ZNF451: variants seen among roughly 807,000 people sequenced by gnomAD.
ZNF451 encodes the protein zinc finger protein 451.
ZNF451 carries 80 observed loss-of-function variants against 107.1 expected under a neutral mutation model. The observed-to-expected ratio is 0.75, with a 90% CI of 0.62 to 0.90. ZNF451 has a LOEUF of 0.90. Ranked by LOEUF, ZNF451 falls within the 40% of genes least tolerant of loss-of-function variation. The probability of loss-of-function intolerance (pLI) is 0.00; values close to 1 mark genes in which losing one functional copy is unlikely to be tolerated. For missense variants in ZNF451, 1,107 were observed against 1,236.2 expected, an observed-to-expected ratio of 0.90 and a Z score of 1.57; for synonymous variants, 362 against 406.5, an observed-to-expected ratio of 0.89 and a Z score of 1.32.
chr6:57,121,185 A>G (rs1222688714), intron 3 of ZNF451, among the ~76,000 whole-genome samples: 1 of 152,142 alleles, frequency 6.6e-6, no homozygotes, highest in Non-Finnish European at 1.5e-5. Context: ...GTCATAGATC[A>G]GTTGACTTTA....
rs1414263165 is a variant in ZNF451 at position 57,099,988 on chromosome 6, A to G, written c.186+847A>G. Among the ~76,000 whole-genome samples the G allele has an allele frequency of 3.3e-5, 5 of 152,346 alleles. No homozygotes were observed. The South Asian group carries it at 6.2e-4, about 19-fold the overall frequency. ...CCTTTTAGCCTCCGTTTTTTAATCA[A>G]ATAATACCTACCTCACAGGGTTGTT... On this transcript the variant is annotated intron_variant, in intron 3 of 14. Transcript: ENST00000370706.
chr6:57,168,445 T>C lies in ZNF451; in HGVS notation c.3162T>C (p.Ile1054=), dbSNP rs764143062. 4.4e-6 allele frequency: 7 copies of C among 1,608,876 alleles called. No homozygotes were observed. Among genetic ancestry groups the C allele is most frequent in the Non-Finnish European group, 5.9e-6 (7 of 1,177,520 alleles). ...STEDVELEEA[I]RRSLEEM The stretch of plus-strand genomic sequence containing the variant: ...CAGATGTGGAATTAGAAGAAGCTAT[T>C]AGAAGAAGTCTTGAGGAAATGTAAT... Residue 1054 remains isoleucine (I), a synonymous_variant, in exon 15 of 15, where the codon ATT becomes ATC. Coordinates refer to ENST00000370706, the MANE Select transcript of ZNF451 (RefSeq NM_001031623.3).
chr6:57,153,737 T>G, intron 12 of ZNF451, 124 bp from the exon 13 acceptor site: 1 of 903,810 alleles, frequency 1.1e-6, no homozygotes, highest in Non-Finnish European at 1.7e-6. Context: ...TGTCATACTT[T>G]GGTAGGGACT....
At chr6:57,156,367 TTGAG>T (rs1763425936) in intron 13 of ZNF451, among the ~76,000 whole-genome samples, 1 of 152,198 alleles carries the variant, frequency 6.6e-6, no homozygotes, top group Non-Finnish European at 1.5e-5. Context: ...TTGTGAATAG[TTGAG>T]TAATAGTTTC....
At chr6:57,128,330 C>T (rs952647) in intron 4 of ZNF451, among the ~76,000 whole-genome samples, 39,390 of 151,956 alleles carry the variant, frequency 0.26, 5,473 homozygotes, top group African/African-American at 0.34. Flanking sequence ...TCTGCAGATA[C>T]AGTTGCACAT....
intron 13 of ZNF451, among the ~76,000 whole-genome samples, chr6:57,159,730 T>C (rs1319201376): frequency 2.0e-5 from 3 of 152,140 alleles, no homozygotes; most frequent in Non-Finnish European, 4.4e-5. Context: ...CTTGAAATAT[T>C]TGAAGTATTT....
intron 4 of ZNF451, among the ~76,000 whole-genome samples, chr6:57,128,159 T>C (rs1831020177): frequency 6.6e-6 from 1 of 152,230 alleles, no homozygotes; most frequent in Admixed American, 6.5e-5. Context: ...TATTACTCAG[T>C]GAACAAATAC....
intron 9 of ZNF451, 133 bp from the exon 10 acceptor site, chr6:57,146,957 C>A: frequency 2.7e-6 from 2 of 729,610 alleles, no homozygotes; most frequent in Non-Finnish European, 4.3e-6. Context: ...ATGTCATTTG[C>A]ATCTTTATTG....
At chr6:57,104,569 T>C (rs927357444) in intron 3 of ZNF451, 15 of 985,194 alleles carry the variant, frequency 1.5e-5, no homozygotes, top group Non-Finnish European at 1.8e-5. Flanking sequence ...CCCTTTAATA[T>C]GCTTCCCCTT....
intron 12 of ZNF451, among the ~76,000 whole-genome samples, chr6:57,153,408 T>C (rs559616394): frequency 4.9e-5 from 7 of 144,024 alleles, no homozygotes; most frequent in East Asian, 2.0e-4. Flanking sequence ...CTTTCTCTCT[T>C]TTTTTTTTTT....
At chr6:57,123,673 A>G (rs958148123) in intron 3 of ZNF451, among the ~76,000 whole-genome samples, 1 of 147,240 alleles carries the variant, frequency 6.8e-6, no homozygotes, top group Non-Finnish European at 1.5e-5. Flanking sequence ...AATAAAAATG[A>G]AAAAAAAAAA....
intron 3 of ZNF451, among the ~76,000 whole-genome samples, chr6:57,118,104 T>G (rs886156816): frequency 6.6e-6 from 1 of 152,220 alleles, no homozygotes; most frequent in Non-Finnish European, 1.5e-5. Context: ...TGAAATATCT[T>G]GATAAATTTT....
At chr6:57,106,845 A>G (rs938516069) in intron 3 of ZNF451, 48 of 980,882 alleles carry the variant, frequency 4.9e-5, no homozygotes, top group African/African-American at 4.5e-4. Context: ...AAGAAAATAT[A>G]TAAGTGGAAG....
chr6:57,136,030 C>G (rs1831409523), intron 7 of ZNF451, among the ~76,000 whole-genome samples: 1 of 152,098 alleles, frequency 6.6e-6, no homozygotes, highest in South Asian at 2.1e-4. Context: ...GCAGTCCTCC[C>G]CATCTCTGTC....
intron 9 of ZNF451, among the ~76,000 whole-genome samples, chr6:57,144,844 G>T (rs574446708): frequency 2.2e-3 from 331 of 152,216 alleles, no homozygotes; most frequent in Non-Finnish European, 3.6e-3. Flanking sequence ...CAAGAGAATC[G>T]CTTGAACCTG....
In ZNF451 at chr6:57,134,800, C is replaced by G; in HGVS notation, c.632C>G (p.Ser211Cys). 1 of 1,612,942 alleles carries G rather than the reference C, an allele frequency of 6.2e-7. No homozygotes were observed. Among genetic ancestry groups the G allele is most frequent in the Non-Finnish European group, 8.5e-7 (1 of 1,179,522 alleles). ...TITLHGPFFS[S>C]FACVVCYKKF... Reference sequence around the variant, plus strand: ...ACACTACATGGACCTTTCTTCAGCTCCTTTGCTTGTGTAGTATGTTATAAA... The same window carrying G: ...ACACTACATGGACCTTTCTTCAGCTGCTTTGCTTGTGTAGTATGTTATAAA... Residue 211 changes from serine (S) to cysteine (C), a missense_variant, in exon 7 of 15, where the codon TCC becomes TGC. By Grantham distance (112) the Ser-to-Cys change is moderately radical. Coordinates refer to ENST00000370706, the MANE Select transcript of ZNF451 (RefSeq NM_001031623.3).
intron 3 of ZNF451, chr6:57,115,159 C>G (rs1402282649): frequency 6.6e-6 from 1 of 152,064 alleles, no homozygotes; most frequent in African/African-American, 2.4e-5. Flanking sequence ...ACTCAGGAGG[C>G]CGAAGTGAGA....
At chr6:57,127,091 T>G (rs1160394130) in intron 4 of ZNF451, among the ~76,000 whole-genome samples, 1 of 152,192 alleles carries the variant, frequency 6.6e-6, no homozygotes, top group Non-Finnish European at 1.5e-5. Context: ...TCAAGGGCTA[T>G]TGCTTTCTTT....
At chr6:57,115,419 A>G (rs539183098) in intron 3 of ZNF451, 1 of 152,372 alleles carries the variant, frequency 6.6e-6, no homozygotes, top group African/African-American at 2.4e-5. Flanking sequence ...ACCAGGATAC[A>G]TTAAAAGATA....
Sources: gnomAD v4.1 joint callset for allele counts (sites outside exome capture counted in the v4.1 genomes callset) on GRCh38, gnomAD v4.1.1 for gene constraint, MANE v1.5 for transcripts, NCBI Gene and HGNC (gene_info 2026-07-23, HGNC 2026-07-21) for gene names.